The following ZNF581 variants were observed in gnomAD, a reference collection of about 807,000 sequenced individuals.
ZNF581 encodes zinc finger protein 581.
In ZNF581, 1 loss-of-function variant was observed where a neutral mutation model predicts 1.2. The ratio of observed to expected loss-of-function variants is 0.83; its 90% CI spans 0.30 to 3.95. The LOEUF (loss-of-function observed/expected upper bound fraction) is 3.95. Ranked by LOEUF, ZNF581 falls within the 30% of genes most tolerant of loss-of-function variation. The pLI, the probability that ZNF581 is intolerant of heterozygous loss-of-function variation, is 0.18. For missense variants in ZNF581, 273 were observed against 274.6 expected (o/e 0.99, Z 0.04); for synonymous variants, 105 against 109.2 (o/e 0.96, Z 0.24).
At chr19:55,636,506 G>A (rs1403595719), upstream of ZNF581, among the ~76,000 whole-genome samples, 1 of 152,218 alleles carries the variant, frequency 6.6e-6, no homozygotes, top group Middle Eastern at 3.4e-3. Context: ...CTTTTGGATG[G>A]GGCGATCAAA....
chr19:55,640,606 C>T (rs770096074), upstream of ZNF581: 20 of 985,360 alleles, frequency 2.0e-5, no homozygotes, highest in African/African-American at 2.8e-4. Flanking sequence ...TGGAGAATCA[C>T]GGCCCGGCCA....
At chr19:55,642,801 C>A (rs762003451), upstream of ZNF581, 1 of 1,566,850 alleles carries the variant, frequency 6.4e-7, no homozygotes, top group Non-Finnish European at 8.6e-7. Flanking sequence ...CCGGAGTGCG[C>A]CCGTGTCTTT....
In ZNF581 at chr19:55,644,561, C is replaced by T. The variant is rs1434501366; in HGVS notation, c.-11C>T. 6.4e-7 allele frequency: 1 copy of T among 1,573,890 alleles called. No homozygotes were observed. Among genetic ancestry groups the T allele is most frequent in the Admixed American group, 1.8e-5 (1 of 56,518 alleles). On this transcript the variant is annotated 5_prime_UTR_variant, in exon 2 of 2. Coordinates refer to ENST00000270451, the MANE Select transcript of ZNF581 (RefSeq NM_016535.4). This position sits in a 1 kb window ranked among gnomAD's most constrained non-coding sequence, Gnocchi z 4.3. ...CATCTCCCATCCACCAGGCCTCAGC[C>T]AGCCCTCCGGATGCTGGTGCTGCCA...
chr19:55,637,315 C>T (rs938593288), upstream of ZNF581, among the ~76,000 whole-genome samples: 1 of 152,070 alleles, frequency 6.6e-6, no homozygotes, highest in Admixed American at 6.6e-5. Context: ...GCAGGCGGAT[C>T]GCTTGAGGCC....
chr19:55,644,970 C>T lies in ZNF581; in HGVS notation c.399C>T (p.His133=), dbSNP rs1452175430. ...AFKRASHLAR[H]HSIHLAGGGR... ...AGCGCGCCAGCCACTTGGCACGGCA[C>T]CATTCCATTCACCTGGCGGGTGGTG... Residue 133 remains histidine (H), a synonymous_variant, in exon 2 of 2, where the codon CAC becomes CAT. Coordinates refer to ENST00000270451, the MANE Select transcript of ZNF581 (RefSeq NM_016535.4). The surrounding 1 kb of genome is among the most constrained non-coding windows in gnomAD (Gnocchi z 4.3). 1 of 1,609,246 alleles carries T rather than the reference C, an allele frequency of 6.2e-7. No individual in the cohort carries two copies. The highest frequency in any genetic ancestry group is 1.1e-5 in the South Asian group (1 of 91,010).
upstream of ZNF581, among the ~76,000 whole-genome samples, chr19:55,637,695 G>A (rs975922022): frequency 6.6e-6 from 1 of 152,152 alleles, no homozygotes; most frequent in Non-Finnish European, 1.5e-5. Context: ...GCTGACAGGG[G>A]TCATGTGCAC....
upstream of ZNF581, among the ~76,000 whole-genome samples, chr19:55,638,584 C>T (rs1600037709): frequency 6.6e-6 from 1 of 152,184 alleles, no homozygotes; most frequent in East Asian, 1.9e-4. Context: ...AGCGAGATCT[C>T]ACTCATTACC....
chr19:55,640,871 G>T, upstream of ZNF581: 2 of 985,458 alleles, frequency 2.0e-6, no homozygotes, highest in Non-Finnish European at 2.4e-6. Flanking sequence ...GGGGCCGCCG[G>T]GGGCGGGCGT....
chr19:55,639,010 AAAAAAAAAAAAAAAG>A (rs1982269646), upstream of ZNF581, among the ~76,000 whole-genome samples: 3 of 144,808 alleles, frequency 2.1e-5, no homozygotes, highest in Admixed American at 2.1e-4. Flanking sequence ...CATCTCCAAA[AAAAAAAAAAAAAAAG>A]AAAAAAAAAA....
upstream of ZNF581, chr19:55,642,468 TTAAC>T: frequency 1.4e-6 from 2 of 1,401,506 alleles, no homozygotes; most frequent in Non-Finnish European, 1.9e-6. Flanking sequence ...AGTGGCAATT[TTAAC>T]TAATCTCCCC....
chr19:55,644,823 A>G lies in ZNF581; in HGVS notation c.252A>G (p.Lys84=), dbSNP rs766197275. The change falls in exon 2 of 2, where the codon AAA becomes AAG. Residue 84 remains lysine (K), a synonymous_variant. Transcript: ENST00000270451. This position sits in a 1 kb window ranked among gnomAD's most constrained non-coding sequence, Gnocchi z 4.3. ...GGGCCAGTGGGGCTCCAGGCCAGAAAAAGTGCTACAGCTGCCCCGTGTGCT... is the reference window on the plus strand; with the variant it reads ...GGGCCAGTGGGGCTCCAGGCCAGAAGAAGTGCTACAGCTGCCCCGTGTGCT... ...EPGASGAPGQ[K]KCYSCPVCSR... is the part of the protein sequence containing the mutation. 8 of 1,612,506 alleles carry G rather than the reference A, an allele frequency of 5.0e-6. No individual in the cohort carries two copies. In the South Asian group the frequency reaches 7.7e-5, roughly 15 times the overall value.
chr19:55,640,805 T>C (rs1982409193), upstream of ZNF581: 1 of 985,484 alleles, frequency 1.0e-6, no homozygotes. Context: ...CTCGGTTTAT[T>C]GGCCGATCTC....
rs1982757204 is a variant in ZNF581 at position 55,644,866 on chromosome 19, A to G, written c.295A>G (p.Met99Val). The change falls in exon 2 of 2, where the codon ATG becomes GTG. Residue 99 changes from methionine (M) to valine (V), a missense_variant. Met to Val is a conservative substitution (Grantham distance 21, BLOSUM62 1). Transcript: ENST00000270451. The surrounding 1 kb of genome is among the most constrained non-coding windows in gnomAD (Gnocchi z 4.3). ...CGTGTGCTCAAGGGTCTTCGAGTAC[A>G]TGTCCTACCTTCAGCGACACAGCAT... is the stretch of plus-strand genomic sequence containing the variant. ...CPVCSRVFEY[M>V]SYLQRHSITH... 5 of 1,613,588 alleles carry G rather than the reference A, an allele frequency of 3.1e-6. No individual in the cohort carries two copies. Among genetic ancestry groups the G allele is most frequent in the Non-Finnish European group, 4.2e-6 (5 of 1,179,514 alleles).
chr19:55,644,062 C>T lies in ZNF581; in HGVS notation c.-20+288C>T, dbSNP rs1600049278. Among the ~76,000 whole-genome samples, 1 of 152,188 alleles carries T rather than the reference C, an allele frequency of 6.6e-6. No homozygotes were observed. Among genetic ancestry groups the T allele is most frequent in the East Asian group, 1.9e-4 (1 of 5,188 alleles). On this transcript the variant is annotated intron_variant, in intron 1 of 1. Transcript: ENST00000270451. The surrounding 1 kb of genome is among the most constrained non-coding windows in gnomAD (Gnocchi z 4.3). Reference sequence around the variant, plus strand: ...GGGTGGGAGCACGGAGTTGTTCAGACACGTGGCTGGAGAGAGGGCCGGAAC... The same window carrying T: ...GGGTGGGAGCACGGAGTTGTTCAGATACGTGGCTGGAGAGAGGGCCGGAAC...
Position 55,635,701 on chromosome 19 carries a change from T to C in ZNF581, c.-31T>C, listed in dbSNP as rs150216126. 1.4e-5 allele frequency: 14 copies of C among 988,134 alleles called. 2 individuals carry two copies. In the East Asian group the frequency reaches 1.6e-3, roughly 112 times the overall value. 61.2% of individuals were successfully genotyped at this position (988,134 alleles called of 1,614,324 possible). On this transcript the variant is annotated 5_prime_UTR_variant, in exon 1 of 2. Transcript: ENST00000587252. ...AGAAGTCAGAATGATTCGCTGCAGCTGTCTGGAACAGGTTGGGTGAGGGCA... is the reference window on the plus strand; with the variant it reads ...AGAAGTCAGAATGATTCGCTGCAGCCGTCTGGAACAGGTTGGGTGAGGGCA...
upstream of ZNF581, among the ~76,000 whole-genome samples, chr19:55,636,558 T>C (rs2123615586): frequency 6.6e-6 from 1 of 152,284 alleles, no homozygotes; most frequent in South Asian, 2.1e-4. Context: ...ATTGATTCCT[T>C]ACCGTTTCCT....
chr19:55,638,592 ACCT>A (rs1982238117), upstream of ZNF581, among the ~76,000 whole-genome samples: 1 of 151,950 alleles, frequency 6.6e-6, no homozygotes, highest in Non-Finnish European at 1.5e-5. Context: ...CTCACTCATT[ACCT>A]CGAGGATGGC....
upstream of ZNF581, chr19:55,642,259 C>T: frequency 1.6e-6 from 2 of 1,234,824 alleles, no homozygotes; most frequent in Non-Finnish European, 2.0e-6. Context: ...AGAGGTGGAC[C>T]CAGGAGGAGT....
In ZNF581 at chr19:55,644,166, C is replaced by T. The variant is rs900633391; in HGVS notation, c.-19-387C>T. On this transcript the variant is annotated intron_variant, in intron 1 of 1. Transcript: ENST00000270451. This position sits in a 1 kb window ranked among gnomAD's most constrained non-coding sequence, Gnocchi z 4.3. The stretch of plus-strand genomic sequence containing the variant: ...GGTCAGGAAAGGCTTGAGTATGTAG[C>T]ATAGGCCAACACGCAGACCCTGGAA... 2.0e-4 allele frequency among the ~76,000 whole-genome samples: 30 copies of T among 150,324 alleles called. No homozygotes were observed. Among genetic ancestry groups the T allele is most frequent in the African/African-American group, 7.1e-4 (29 of 41,038 alleles).
Sources: allele counts gnomAD v4.1 joint callset (sites outside exome capture counted in the v4.1 genomes callset), GRCh38; gene constraint gnomAD v4.1.1; non-coding constraint Gnocchi (gnomAD v3.1); transcripts MANE v1.5; gene names NCBI Gene and HGNC (gene_info 2026-07-23, HGNC 2026-07-21).